Variants in GRIN2D observed in about 807,000 individuals in gnomAD.
The protein encoded by GRIN2D is glutamate ionotropic receptor NMDA type subunit 2D.
A neutral mutation model predicts 103.2 loss-of-function variants in GRIN2D; 37 were observed. That is an observed-to-expected ratio of 0.36 (90% CI 0.28 to 0.47). The LOEUF (loss-of-function observed/expected upper bound fraction) is 0.47. GRIN2D is among the 20% of genes least tolerant of loss of function. The pLI is 1.00. For synonymous variants in GRIN2D, 845 were observed against 885.6 expected (o/e 0.95, Z 0.81); for missense variants, 1,557 against 1,910.6 (o/e 0.81, Z 3.45).
chr19:48,441,774 T>C lies in GRIN2D; in HGVS notation c.2258T>C (p.Leu753Pro). The C allele has an allele frequency of 6.2e-7, 1 of 1,609,658 alleles. No homozygotes were observed. Among genetic ancestry groups the C allele is most frequent in the Non-Finnish European group, 8.5e-7 (1 of 1,176,880 alleles). Residue 753 changes from leucine to proline, a missense_variant, in exon 12 of 14, where the codon CTG (leucine) becomes CCG (proline). This residue lies in a region of GRIN2D where 138 missense variants were observed against 270.2 expected (regional missense o/e 0.51). Coordinates refer to ENST00000263269, the MANE Select transcript of GRIN2D (RefSeq NM_000836.4). ...EALTQLKAGK[L>P]DAFIYDAAVL... ...TCCATTCCCCCTCCCCCCAGGAAGC[T>C]GGACGCCTTCATCTACGATGCTGCA... is the stretch of plus-strand genomic sequence containing the variant.
intron 11 of GRIN2D, among the ~76,000 whole-genome samples, chr19:48,439,019 A>G (rs1348513332): frequency 6.8e-6 from 1 of 147,078 alleles, no homozygotes; most frequent in Non-Finnish European, 1.5e-5. Context: ...GGCTCAGGCG[A>G]TCCTCCTGCC....
Position 48,441,765 on chromosome 19 carries a change from C to T in GRIN2D, c.2253-4C>T, listed in dbSNP as rs201567336. The T allele has an allele frequency of 2.5e-6, 4 of 1,607,186 alleles. No homozygotes were observed. The highest frequency in any genetic ancestry group is 3.4e-6 in the Non-Finnish European group (4 of 1,175,266). On this transcript the variant is annotated splice_region_variant and splice_polypyrimidine_tract_variant and intron_variant, in intron 11 of 13. Coordinates refer to ENST00000263269, the MANE Select transcript of GRIN2D (RefSeq NM_000836.4). ...ACCCTACCCTCCATTCCCCCTCCCC[C>T]CAGGAAGCTGGACGCCTTCATCTAC...
Position 48,443,217 on chromosome 19 carries a change from C to G in GRIN2D, c.3291C>G (p.Arg1097=). The G allele has an allele frequency of 4.8e-6, 6 of 1,259,368 alleles. No individual in the cohort carries two copies. The highest frequency in any genetic ancestry group is 3.7e-5 in the East Asian group (1 of 27,042). The allele number at this position is 1,259,368 out of a possible 1,614,324, so 78.0% of individuals were successfully genotyped here. A position where few individuals can be genotyped will look rare whatever the true frequency, so the allele number is the denominator to read the frequency against. ...GGAPAAPPPC[R]AAPPPCPYLD... ...CCCCGGCCGCTCCGCCCCCGTGCCGCGCCGCGCCGCCCCCGTGCCCTTACC... is the reference window on the plus strand; with the variant it reads ...CCCCGGCCGCTCCGCCCCCGTGCCGGGCCGCGCCGCCCCCGTGCCCTTACC... Residue 1097 remains arginine (R), a synonymous_variant, in exon 14 of 14, where the codon CGC becomes CGG. Coordinates refer to ENST00000263269, the MANE Select transcript of GRIN2D (RefSeq NM_000836.4). The surrounding 1 kb of genome is among the most constrained non-coding windows in gnomAD (Gnocchi z 8.9).
In GRIN2D at chr19:48,414,773, C is replaced by T; in HGVS notation, c.1413-91C>T. On this transcript the variant is annotated intron_variant, in intron 6 of 13. Transcript: ENST00000263269. The surrounding 1 kb of genome is among the most constrained non-coding windows in gnomAD (Gnocchi z 4.6). The stretch of plus-strand genomic sequence containing the variant: ...CTGAAAGCGCTAACCATAGTTTTAG[C>T]TGCCGCCTATCCCTTCCTCCATATC... The T allele has an allele frequency of 7.0e-7, 1 of 1,431,358 alleles. No individual in the cohort carries two copies. The highest frequency in any genetic ancestry group is 9.6e-7 in the Non-Finnish European group (1 of 1,043,720). 88.7% of individuals were successfully genotyped at this position (1,431,358 alleles called of 1,614,324 possible).
At chr19:48,429,031 C>T (rs1166787256) in intron 11 of GRIN2D, among the ~76,000 whole-genome samples, 1 of 152,158 alleles carries the variant, frequency 6.6e-6, no homozygotes, top group Non-Finnish European at 1.5e-5. Flanking sequence ...GTCCCCCTCC[C>T]TAGAAGCTTC....
In GRIN2D at chr19:48,439,300, T is replaced by C. The variant is rs529848380; in HGVS notation, c.2253-2469T>C. ...AATACACCCCATACATCCTTACCTG[T>C]CAGAGCATAAGCATTTATCTCATAC... On this transcript the variant is annotated intron_variant, in intron 11 of 13. Transcript: ENST00000263269. 1.7e-4 allele frequency among the ~76,000 whole-genome samples: 26 copies of C among 152,016 alleles called. 1 individual carries two copies. Among genetic ancestry groups the C allele is most frequent in the Non-Finnish European group, 2.8e-4 (19 of 67,964 alleles).
Position 48,442,535 on chromosome 19 carries a change from G to C in GRIN2D, c.2674-65G>C. The stretch of plus-strand genomic sequence containing the variant: ...GGTAAATGGAGAGGAGAGAGGGACT[G>C]AGGGGAGGCGGGCAGGCGTCCTGGG... On this transcript the variant is annotated intron_variant, in intron 13 of 13. Transcript: ENST00000263269. The surrounding 1 kb of genome is among the most constrained non-coding windows in gnomAD (Gnocchi z 7.2). 6.8e-7 allele frequency: 1 copy of C among 1,479,716 alleles called. No homozygotes were observed. The highest frequency in any genetic ancestry group is 8.9e-7 in the Non-Finnish European group (1 of 1,119,194). The allele number at this position is 1,479,716 out of a possible 1,614,324, so 91.7% of individuals were successfully genotyped here.
Position 48,414,173 on chromosome 19 carries a change from G to A in GRIN2D, c.1200+68G>A, listed in dbSNP as rs536908550. The A allele has an allele frequency of 8.6e-6, 9 of 1,043,094 alleles. No individual in the cohort carries two copies. The highest frequency in any genetic ancestry group is 1.3e-5 in the Non-Finnish European group (9 of 674,058). The allele number at this position is 1,043,094 out of a possible 1,614,324, so 64.6% of individuals were successfully genotyped here. ...ACTCCTGCATCCTGGCAGAGGGGGG[G>A]CTTGAGGTCGTGGACTAAGAGGGAG... On this transcript the variant is annotated intron_variant, in intron 5 of 13. Transcript: ENST00000263269. The surrounding 1 kb of genome is among the most constrained non-coding windows in gnomAD (Gnocchi z 4.6).
At chr19:48,401,003 G>GTTGCAGTGAGCCGAGA (rs1202319046) in intron 3 of GRIN2D, among the ~76,000 whole-genome samples, 1 of 151,300 alleles carries the variant, frequency 6.6e-6, no homozygotes, top group Non-Finnish European at 1.5e-5. Context: ...GGAGGCGGAG[G>GTTGCAGTGAGCCGAGA]TTGCAGTGAG....
intron 11 of GRIN2D, among the ~76,000 whole-genome samples, chr19:48,438,838 T>C (rs1449475676): frequency 6.6e-6 from 1 of 151,816 alleles, no homozygotes; most frequent in African/African-American, 2.4e-5. Context: ...TGGGGTGCAA[T>C]GGTGTCATCA....
intron 11 of GRIN2D, among the ~76,000 whole-genome samples, chr19:48,424,236 T>G (rs553901004): frequency 1.4e-5 from 2 of 143,122 alleles, no homozygotes; most frequent in African/African-American, 5.6e-5. Context: ...TGAAACATAG[T>G]GAGACCCCCT....
chr19:48,415,481 G>T (rs981867322), intron 7 of GRIN2D, among the ~76,000 whole-genome samples: 3 of 134,946 alleles, frequency 2.2e-5, no homozygotes, highest in Non-Finnish European at 4.7e-5. Context: ...ACATGCCTTG[G>T]AACAGGGGGC....
chr19:48,424,420 A>C (rs867647128), intron 11 of GRIN2D, among the ~76,000 whole-genome samples: 2 of 145,118 alleles, frequency 1.4e-5, no homozygotes, highest in Non-Finnish European at 3.0e-5. Context: ...ACAGGCGCCC[A>C]CCACCACGCC....
rs759980810 is a variant in GRIN2D at position 48,438,945 on chromosome 19, ATT to A, written c.2253-2810_2253-2809del. ...ATAGGTGCATCACCACACCTGGCTA[ATT>A]TTTTTTTTTTTTTATAGAGGCAGGG... On this transcript the variant is annotated intron_variant, in intron 11 of 13. Coordinates refer to ENST00000263269, the MANE Select transcript of GRIN2D (RefSeq NM_000836.4). Among the ~76,000 whole-genome samples the A allele has an allele frequency of 1.2e-3, 163 of 136,846 alleles. 1 individual carries two copies. Among genetic ancestry groups the A allele is most frequent in the African/African-American group, 3.5e-3 (131 of 37,526 alleles). The allele number at this position is 136,846 out of a possible 152,430, so 89.8% of individuals were successfully genotyped here.
chr19:48,404,069 G>A (rs2069555128), intron 3 of GRIN2D, among the ~76,000 whole-genome samples: 4 of 152,226 alleles, frequency 2.6e-5, no homozygotes, highest in Middle Eastern at 3.4e-3. Flanking sequence ...GAGAAAACCC[G>A]TCTCTACCAG....
chr19:48,419,721 C>T lies in GRIN2D; in HGVS notation c.1998C>T (p.Ala666=), dbSNP rs150885362. The change falls in exon 10 of 14, where the codon GCC becomes GCT. Residue 666 remains alanine (A), a synonymous_variant. Transcript: ENST00000263269. ...KIMVLVWAFF[A]VIFLASYTAN... ...TGGTGCTGGTGTGGGCCTTCTTCGC[C>T]GTCATCTTCCTCGCCAGCTACACAG... The T allele has an allele frequency of 2.3e-4, 378 of 1,613,570 alleles. No individual in the cohort carries two copies. In the African/African-American group the frequency reaches 3.9e-3, roughly 17 times the overall value.
At chr19:48,420,577 G>A (rs942161917) in intron 10 of GRIN2D, among the ~76,000 whole-genome samples, 3 of 152,132 alleles carry the variant, frequency 2.0e-5, no homozygotes, top group African/African-American at 7.2e-5. Context: ...TGTAATCCCA[G>A]CACTTTGGGA....
At chr19:48,415,507 CA>C (rs1970936139) in intron 7 of GRIN2D, among the ~76,000 whole-genome samples, 1 of 102,274 alleles carries the variant, frequency 9.8e-6, no homozygotes, top group African/African-American at 3.9e-5. Context: ...CAGGAGGTGT[CA>C]GGGGCGGGGT....
chr19:48,408,873 T>G (rs1970822302), intron 4 of GRIN2D, among the ~76,000 whole-genome samples: 1 of 150,114 alleles, frequency 6.7e-6, no homozygotes, highest in African/African-American at 2.5e-5. Flanking sequence ...AGGAGCCAAG[T>G]ATTGGAAGAT....
Sources: gnomAD v4.1 joint callset for allele counts (sites outside exome capture counted in the v4.1 genomes callset) on GRCh38, gnomAD v4.1.1 for gene constraint, gnomAD v4.1.1 regional missense constraint, Gnocchi (gnomAD v3.1) non-coding constraint, MANE v1.5 for transcripts, NCBI Gene and HGNC (gene_info 2026-07-23, HGNC 2026-07-21) for gene names.